The following DNAH10 variants were observed in gnomAD, a reference collection of about 807,000 sequenced individuals.
DNAH10 encodes the protein dynein axonemal heavy chain 10.
Under a neutral mutation model 506.6 loss-of-function variants are expected in DNAH10, and 348 were observed. The observed-to-expected ratio is 0.69, with a 90% CI of 0.63 to 0.75. The LOEUF (loss-of-function observed/expected upper bound fraction) is 0.75, where lower values mean the gene tolerates loss of function less well. Among genes scored for constraint, DNAH10 ranks in the 30% least tolerant of loss-of-function variants. The pLI is 0.00. For missense variants in DNAH10, 5,179 were observed against 5,787.1 expected, an observed-to-expected ratio of 0.89 and a Z score of 3.41; for synonymous variants, 2,059 against 2,198.6, an observed-to-expected ratio of 0.94 and a Z score of 1.78.
chr12:123,797,376 CTTCTTTTTCTT>C lies in DNAH10; in HGVS notation c.2163+558_2163+568del, dbSNP rs144664303. On this transcript the variant is annotated intron_variant, in intron 13 of 78. Coordinates refer to ENST00000673944, the MANE Select transcript of DNAH10 (RefSeq NM_001372106.1). ...TCATAGTAAACTGCCTTTTGCGTTC[CTTCTTTTTCTT>C]TTCTTTTTCTTTTTTTTTTTTTTAA... Among the ~76,000 whole-genome samples the C allele has an allele frequency of 9.7e-3, 1,454 of 150,458 alleles. 23 individuals are homozygous for C. The highest frequency in any genetic ancestry group is 0.033 in the African/African-American group (1,355 of 40,770).
chr12:123,776,739 G>A (rs976235806), intron 5 of DNAH10, among the ~76,000 whole-genome samples: 3 of 152,116 alleles, frequency 2.0e-5, no homozygotes, highest in Admixed American at 2.0e-4. Context: ...CGTGAAGCAG[G>A]ATGTATGAAT....
In DNAH10 at chr12:123,819,266, T is replaced by C; in HGVS notation, c.4000+16T>C. 6.3e-7 allele frequency: 1 copy of C among 1,593,422 alleles called. No homozygotes were observed. The highest frequency in any genetic ancestry group is 1.1e-5 in the South Asian group (1 of 88,992). On this transcript the variant is annotated intron_variant, in intron 23 of 78. Transcript: ENST00000673944. ...CTTGATAAAGGTAAGAATGTTCCTGTTGGTCTTACTGAGCGATCTGAGTAG... is the reference window on the plus strand; with the variant it reads ...CTTGATAAAGGTAAGAATGTTCCTGCTGGTCTTACTGAGCGATCTGAGTAG...
At position 123,928,659 on chromosome 12, in the gene DNAH10, C is replaced by A; in HGVS notation, c.12306+72C>A. 6.8e-7 allele frequency: 1 copy of A among 1,480,696 alleles called. No homozygotes were observed. Among genetic ancestry groups the A allele is most frequent in the South Asian group, 1.3e-5 (1 of 79,864 alleles). 91.7% of individuals were successfully genotyped at this position (1,480,696 alleles called of 1,614,324 possible). A position where few individuals can be genotyped will look rare whatever the true frequency, so the allele number is the denominator to read the frequency against. Reference sequence around the variant, plus strand: ...GAACACCTGCATGCTGCTCTGGGGCCGGGGTGTGCCTTTGTCTGTGTAGAA... The same window carrying A: ...GAACACCTGCATGCTGCTCTGGGGCAGGGGTGTGCCTTTGTCTGTGTAGAA... On this transcript the variant is annotated intron_variant, in intron 70 of 78. Transcript: ENST00000673944. The surrounding 1 kb of genome is among the most constrained non-coding windows in gnomAD (Gnocchi z 4.9).
intron 11 of DNAH10, among the ~76,000 whole-genome samples, chr12:123,792,149 A>C (rs1958101573): frequency 6.6e-6 from 1 of 152,210 alleles, no homozygotes; most frequent in South Asian, 2.1e-4. Flanking sequence ...ACTAGTGTTT[A>C]CTTATTATGT....
chr12:123,902,239 T>C lies in DNAH10; in HGVS notation c.9641-700T>C, dbSNP rs1007236994. ...ACCCTCACCCCGTATGACCTAATCT[T>C]AACTAATTCCATCTACAAAGACCCA... On this transcript the variant is annotated intron_variant, in intron 56 of 78. Transcript: ENST00000673944. The surrounding 1 kb of genome is among the most constrained non-coding windows in gnomAD (Gnocchi z 4.5). Among the ~76,000 whole-genome samples the C allele has an allele frequency of 3.9e-5, 6 of 152,084 alleles. No homozygotes were observed. The highest frequency in any genetic ancestry group is 9.7e-5 in the African/African-American group (4 of 41,416).
At chr12:123,778,137 A>G (rs533884573) in intron 5 of DNAH10, among the ~76,000 whole-genome samples, 1 of 152,234 alleles carries the variant, frequency 6.6e-6, no homozygotes, top group South Asian at 2.1e-4. Context: ...CAGGAGTTTA[A>G]GGTTGCAGTG....
rs1170316008 is a variant in DNAH10, at chr12:123,787,238, A to G, written c.1422-566A>G. 6.6e-6 allele frequency among the ~76,000 whole-genome samples: 1 copy of G among 152,202 alleles called. No individual in the cohort carries two copies. Among genetic ancestry groups the G allele is most frequent in the African/African-American group, 2.4e-5 (1 of 41,462 alleles). On this transcript the variant is annotated intron_variant, in intron 9 of 78. Coordinates refer to ENST00000673944, the MANE Select transcript of DNAH10 (RefSeq NM_001372106.1). This position sits in a 1 kb window ranked among gnomAD's most constrained non-coding sequence, Gnocchi z 4.6. The stretch of plus-strand genomic sequence containing the variant: ...TATCTATACATAGGTATCTATGTCT[A>G]TATCCATCTATACAGATAGGTATCT...
intron 25 of DNAH10, among the ~76,000 whole-genome samples, chr12:123,827,135 C>T (rs1435287684): frequency 1.3e-5 from 2 of 151,380 alleles, no homozygotes; most frequent in Non-Finnish European, 1.5e-5. Context: ...GCAAAGTGGG[C>T]GTTTGCAGTT....
chr12:123,898,603 T>G (rs1395373100), intron 55 of DNAH10, 50 bp from the exon 56 acceptor site: 1 of 1,451,654 alleles, frequency 6.9e-7, no homozygotes, highest in East Asian at 2.7e-5. Flanking sequence ...GTGATTGTGT[T>G]GCGAACAGTG....
intron 24 of DNAH10, among the ~76,000 whole-genome samples, chr12:123,825,153 C>G (rs1451345809): frequency 6.6e-6 from 1 of 152,240 alleles, no homozygotes; most frequent in South Asian, 2.1e-4. Flanking sequence ...CCAGATGCTG[C>G]TGATAGATCA....
At chr12:123,828,236 G>A (rs944279103) in intron 25 of DNAH10, among the ~76,000 whole-genome samples, 9 of 151,536 alleles carry the variant, frequency 5.9e-5, no homozygotes, top group South Asian at 2.1e-4. Context: ...AGAGACCTTC[G>A]CTCTAAGAAA....
In DNAH10 at chr12:123,867,604, A is replaced by G; in HGVS notation, c.7302+3A>G. 1 of 1,613,552 alleles carries G rather than the reference A, an allele frequency of 6.2e-7. No homozygotes were observed. Among genetic ancestry groups the G allele is most frequent in the Non-Finnish European group, 8.5e-7 (1 of 1,179,820 alleles). ...TTCCTCAGACAGACCTCAATATGGT[A>G]AGAAATGATCCCTGCTGTTAGCAAA... On this transcript the variant is annotated splice_donor_region_variant and intron_variant, in intron 42 of 78. Transcript: ENST00000673944.
intron 54 of DNAH10, among the ~76,000 whole-genome samples, chr12:123,895,296 C>T (rs1317462312): frequency 6.6e-6 from 1 of 152,214 alleles, no homozygotes; most frequent in East Asian, 1.9e-4. Context: ...CTTCAGGGAA[C>T]ATCTTTTTCT....
In DNAH10 at chr12:123,848,004, G is replaced by A. The variant is rs369351791; in HGVS notation, c.5858G>A (p.Gly1953Glu). The stretch of plus-strand genomic sequence containing the variant: ...GGTGGGGCCCCCGCCGGCCCAGCAG[G>A]AACCGGCAAAACCGAGACCACCAAG... ...YLGGAPAGPA[G>E]TGKTETTKDL... Residue 1953 changes from glycine (G) to glutamate (E), a missense_variant, in exon 33 of 79, where the codon GGA becomes GAA. By Grantham distance (98) the Gly-to-Glu change is moderately conservative. This residue lies in a region of DNAH10 where 4,844 missense variants were observed against 5,430.5 expected (regional missense o/e 0.89). Coordinates refer to ENST00000673944, the MANE Select transcript of DNAH10 (RefSeq NM_001372106.1). 3.7e-6 allele frequency: 6 copies of A among 1,613,834 alleles called. No individual in the cohort carries two copies. In the African/African-American group the frequency reaches 5.3e-5, roughly 14 times the overall value.
In DNAH10 at chr12:123,925,227, T is replaced by C; in HGVS notation, c.11921+23T>C. The C allele has an allele frequency of 6.2e-7, 1 of 1,613,198 alleles. No homozygotes were observed. Among genetic ancestry groups the C allele is most frequent in the Non-Finnish European group, 8.5e-7 (1 of 1,179,200 alleles). ...GAAGTAAGTGTGTCGTTTTGTTGAT[T>C]TGCCACTTTCCGTGGGGTGGAATCT... On this transcript the variant is annotated intron_variant, in intron 68 of 78. Transcript: ENST00000673944. This position sits in a 1 kb window ranked among gnomAD's most constrained non-coding sequence, Gnocchi z 4.0.
intron 54 of DNAH10, among the ~76,000 whole-genome samples, chr12:123,896,148 C>CACACACACACACATAGAGAG (rs1383690518): frequency 1.0e-5 from 1 of 95,272 alleles, no homozygotes; most frequent in African/African-American, 5.2e-5. Flanking sequence ...CACACACACA[C>CACACACACACACATAGAGAG]AGAGAGAGAG....
At position 123,813,640 on chromosome 12, in the gene DNAH10, G is replaced by A. The variant is rs767058277; in HGVS notation, c.3621G>A (p.Glu1207=). The change falls in exon 20 of 79, where the codon GAG becomes GAA. Residue 1207 remains glutamate, a splice_region_variant and synonymous_variant. Coordinates refer to ENST00000673944, the MANE Select transcript of DNAH10 (RefSeq NM_001372106.1). Reference sequence around the variant, plus strand: ...TCTATAATCTCCATGAAGAGATGGAGGTACTCAATCGCTGTGTGTAATTGA... The same window carrying A: ...TCTATAATCTCCATGAAGAGATGGAAGTACTCAATCGCTGTGTGTAATTGA... ...EELYNLHEEM[E]HLAKNLRKIP... The A allele has an allele frequency of 6.2e-7, 1 of 1,613,924 alleles. No individual in the cohort carries two copies. The highest frequency in any genetic ancestry group is 8.5e-7 in the Non-Finnish European group (1 of 1,179,838).
At chr12:123,868,656 A>G (rs1326521514) in intron 43 of DNAH10, among the ~76,000 whole-genome samples, 1 of 152,200 alleles carries the variant, frequency 6.6e-6, no homozygotes, top group Non-Finnish European at 1.5e-5. Flanking sequence ...TGCATTCTCC[A>G]AGGTCTATAT....
chr12:123,803,641 C>A lies in DNAH10; in HGVS notation c.2615-20C>A. 1 of 1,515,558 alleles carries A rather than the reference C, an allele frequency of 6.6e-7. No homozygotes were observed. 93.9% of individuals were successfully genotyped at this position (1,515,558 alleles called of 1,614,324 possible). A position where few individuals can be genotyped will look rare whatever the true frequency, so the allele number is the denominator to read the frequency against. ...ACAGAGTTGGAAGCCAAATGTCTTT[C>A]TTTCTTTCTTTCTTCAAAGGTATCG... On this transcript the variant is annotated intron_variant, in intron 16 of 78. Transcript: ENST00000673944.
Sources: gnomAD v4.1 joint callset for allele counts (sites outside exome capture counted in the v4.1 genomes callset) on GRCh38, gnomAD v4.1.1 for gene constraint, gnomAD v4.1.1 regional missense constraint, Gnocchi (gnomAD v3.1) non-coding constraint, MANE v1.5 for transcripts, NCBI Gene and HGNC (gene_info 2026-07-23, HGNC 2026-07-21) for gene names.